The following KIAA0319 variants were observed in gnomAD, a reference collection of about 807,000 sequenced individuals.
KIAA0319 encodes KIAA0319.
A neutral mutation model predicts 108.4 loss-of-function variants in KIAA0319; 83 were observed. The ratio of observed to expected loss-of-function variants is 0.77; its 90% CI spans 0.64 to 0.92. The LOEUF is 0.92. Ranked by LOEUF, KIAA0319 falls within the 40% of genes least tolerant of loss-of-function variation. The pLI, the probability that KIAA0319 is intolerant of heterozygous loss-of-function variation, is 0.00. For missense variants in KIAA0319, 1,195 were observed against 1,322.4 expected (o/e 0.90, Z 1.49); for synonymous variants, 484 against 510.4 (o/e 0.95, Z 0.70).
intron 11 of KIAA0319, among the ~76,000 whole-genome samples, chr6:24,571,997 A>G (rs1401771711): frequency 1.3e-5 from 2 of 152,272 alleles, no homozygotes; most frequent in Non-Finnish European, 2.9e-5. Flanking sequence ...TCTAACTAAT[A>G]GAACTTTTTA....
chr6:24,581,506 G>C lies in KIAA0319; in HGVS notation c.1192-493C>G, dbSNP rs943393542. Among the ~76,000 whole-genome samples, 31 of 152,118 alleles carry C rather than the reference G, an allele frequency of 2.0e-4. 2 individuals are homozygous for C. Among genetic ancestry groups the C allele is most frequent in the Admixed American group, 2.0e-3 (30 of 15,280 alleles). ...CTAAGTCGGTTTATATATCCTCCTA[G>C]GCCAGAAAGAGGGCATGTTTCTTGT... On this transcript the variant is annotated intron_variant, in intron 6 of 20. Coordinates refer to ENST00000378214, the MANE Select transcript of KIAA0319 (RefSeq NM_014809.4).
intron 1 of KIAA0319, among the ~76,000 whole-genome samples, chr6:24,640,367 G>GA (rs1258694029): frequency 3.9e-5 from 6 of 152,072 alleles, no homozygotes; most frequent in African/African-American, 7.2e-5. Flanking sequence ...GCCATTTGTT[G>GA]AAAAAATGCA....
At position 24,556,574 on chromosome 6, in the gene KIAA0319, C is replaced by T. The variant is rs1429567392; in HGVS notation, c.2857+33G>A. 3 of 1,605,784 alleles carry T rather than the reference C, an allele frequency of 1.9e-6. No individual in the cohort carries two copies. The African/African-American group carries it at 4.0e-5, about 22-fold the overall frequency. Reference sequence around the variant, plus strand: ...CTGAGAATGAGCTGCCTTAAGGCTCCTCACCCAAAGCCTCCTCTATACCAG... The same window carrying T: ...CTGAGAATGAGCTGCCTTAAGGCTCTTCACCCAAAGCCTCCTCTATACCAG... On this transcript the variant is annotated intron_variant, in intron 18 of 20. Coordinates refer to ENST00000378214, the MANE Select transcript of KIAA0319 (RefSeq NM_014809.4).
downstream of KIAA0319, among the ~76,000 whole-genome samples, chr6:24,542,288 C>T (rs1371252641): frequency 1.3e-5 from 2 of 152,320 alleles, no homozygotes; most frequent in East Asian, 1.9e-4. Context: ...CCAGGAGCCA[C>T]GTAATTAGTT....
At position 24,578,176 on chromosome 6, in the gene KIAA0319, T is replaced by A. The variant is rs1367273827; in HGVS notation, c.1439A>T (p.Glu480Val). The A allele has an allele frequency of 6.2e-7, 1 of 1,612,412 alleles. No individual in the cohort carries two copies. Among genetic ancestry groups the A allele is most frequent in the Non-Finnish European group, 8.5e-7 (1 of 1,178,568 alleles). Reference sequence around the variant, plus strand: ...GACGGGAGAGTCAACTGAAGTCTTCTCTTCTATGAAGGGCCCGTTTATTTC... The same window carrying A: ...GACGGGAGAGTCAACTGAAGTCTTCACTTCTATGAAGGGCCCGTTTATTTC... Reference protein sequence around the residue: ...WEEINGPFIEEKTSVDSPVLR... With the variant: ...WEEINGPFIEVKTSVDSPVLR... The change falls in exon 9 of 21, where the codon GAG (glutamate) becomes GTG (valine). Residue 480 changes from glutamate to valine, a missense_variant. Glu to Val is a moderately radical substitution (Grantham distance 121). Transcript: ENST00000378214.
At chr6:24,644,715 A>C (rs1777396177) in intron 1 of KIAA0319, among the ~76,000 whole-genome samples, 1 of 152,162 alleles carries the variant, frequency 6.6e-6, no homozygotes, top group African/African-American at 2.4e-5. Context: ...ATTTTGGCTG[A>C]ATTATTTTCA....
Position 24,596,352 on chromosome 6 carries a change from G to C in KIAA0319, c.322C>G (p.Gln108Glu). 6.2e-7 allele frequency: 1 copy of C among 1,614,196 alleles called. No individual in the cohort carries two copies. Among genetic ancestry groups the C allele is most frequent in the Non-Finnish European group, 8.5e-7 (1 of 1,180,034 alleles). Residue 108 changes from glutamine (Q) to glutamate (E), a missense_variant, in exon 3 of 21, where the codon CAG (glutamine) becomes GAG (glutamate). Gln to Glu is a conservative substitution (Grantham distance 29, BLOSUM62 2). Coordinates refer to ENST00000378214, the MANE Select transcript of KIAA0319 (RefSeq NM_014809.4). ...SYLTFVLRPVQRPAQLLDYGD... is the reference protein window; with the variant it reads ...SYLTFVLRPVERPAQLLDYGD... ...TAGTCCAGCAGCTGTGCAGGCCTCT[G>C]AACAGGCCGGAGCACAAAAGTGAGA... is the stretch of plus-strand genomic sequence containing the variant.
At chr6:24,578,028 G>T in intron 9 of KIAA0319, 82 bp downstream of exon 9, 3 of 1,366,438 alleles carry the variant, frequency 2.2e-6, no homozygotes, top group Non-Finnish European at 3.0e-6. Flanking sequence ...AATAAGAAGT[G>T]CAGTGTTTTA....
rs888874158 is a variant in KIAA0319, at chr6:24,544,724, G to C, written c.*2441C>G. ...CATATTCTAGGGCCTGTTTTTCTCT[G>C]TCCAGAGCTCTTAGCGTGCTTTATC... On this transcript the variant is annotated 3_prime_UTR_variant, in exon 21 of 21. Transcript: ENST00000378214. 3 of 152,164 alleles carry C rather than the reference G, an allele frequency of 2.0e-5. No individual in the cohort carries two copies. The highest frequency in any genetic ancestry group is 2.0e-4 in the Admixed American group (3 of 15,282). 9.4% of individuals were successfully genotyped at this position (152,164 alleles called of 1,614,324 possible).
chr6:24,558,365 C>CTAGATAGATAGATAGA (rs59328032), intron 17 of KIAA0319, among the ~76,000 whole-genome samples: 47 of 150,896 alleles, frequency 3.1e-4, no homozygotes, highest in East Asian at 5.9e-4. Flanking sequence ...ATATATATAT[C>CTAGATAGATAGATAGA]TAGATAGATA....
At chr6:24,587,868 G>A (rs527930091) in intron 4 of KIAA0319, among the ~76,000 whole-genome samples, 7 of 152,334 alleles carry the variant, frequency 4.6e-5, no homozygotes, top group South Asian at 2.1e-4. Flanking sequence ...AATTACAGGC[G>A]TGAGCCACCG....
rs1055510674 is a variant in KIAA0319, at chr6:24,576,215, T to C, written c.1734+153A>G. Among the ~76,000 whole-genome samples, 5 of 152,230 alleles carry C rather than the reference T, an allele frequency of 3.3e-5. No homozygotes were observed. The East Asian group carries it at 9.6e-4, about 29-fold the overall frequency. ...AAGGGATGTAAACTTGGAAGATTTG[T>C]GAGCTTAGGTCCTTTTCTAATAGTT... On this transcript the variant is annotated intron_variant, in intron 10 of 20. Coordinates refer to ENST00000378214, the MANE Select transcript of KIAA0319 (RefSeq NM_014809.4).
intron 4 of KIAA0319, among the ~76,000 whole-genome samples, chr6:24,587,669 C>T (rs1363568983): frequency 1.3e-5 from 2 of 152,060 alleles, no homozygotes; most frequent in African/African-American, 2.4e-5. Context: ...TAACTGCAAC[C>T]TCTGCCTCCT....
Position 24,595,997 on chromosome 6 carries a change from G to A in KIAA0319, c.677C>T (p.Ala226Val), listed in dbSNP as rs764765198. Residue 226 changes from alanine (A) to valine (V), a missense_variant, in exon 3 of 21, where the codon GCC becomes GTC. Transcript: ENST00000378214. ...CACACTTCTCTCAGGGAGTTTTGGGGCAGGGGTTGAAGCCGACTCATTCAG... is the reference window on the plus strand; with the variant it reads ...CACACTTCTCTCAGGGAGTTTTGGGACAGGGGTTGAAGCCGACTCATTCAG... The part of the protein sequence containing the change: ...HYLNESASTP[A>V]PKLPERSVLL... 3 of 1,614,200 alleles carry A rather than the reference G, an allele frequency of 1.9e-6. No individual in the cohort carries two copies. The highest frequency in any genetic ancestry group is 1.6e-4 in the Middle Eastern group (1 of 6,062).
intron 1 of KIAA0319, among the ~76,000 whole-genome samples, chr6:24,641,470 A>G (rs1003198698): frequency 2.0e-5 from 3 of 152,358 alleles, no homozygotes; most frequent in Admixed American, 6.5e-5. Flanking sequence ...GAAGTCTAGT[A>G]AAATGAAGTC....
In KIAA0319 at chr6:24,624,021, T is replaced by TC. The variant is rs1562090855; in HGVS notation, c.-106+21714_-106+21715insG. 3.6e-3 allele frequency among the ~76,000 whole-genome samples: 447 copies of TC among 124,792 alleles called. 18 individuals are homozygous for TC. In the East Asian group the frequency reaches 0.05, roughly 14 times the overall value. The allele number at this position is 124,792 out of a possible 152,430, so 81.9% of individuals were successfully genotyped here. On this transcript the variant is annotated intron_variant, in intron 1 of 20. Transcript: ENST00000378214. Reference sequence around the variant, plus strand: ...AATTTTGAATTTCTTTGTTTTCTTTTTTTTTTTTTTTTTTTTTTTTTTAGA... The same window carrying TC: ...AATTTTGAATTTCTTTGTTTTCTTTTCTTTTTTTTTTTTTTTTTTTTTTAGA...
intron 19 of KIAA0319, among the ~76,000 whole-genome samples, chr6:24,553,227 C>A (rs925860111): frequency 6.7e-6 from 1 of 148,646 alleles, no homozygotes; most frequent in Non-Finnish European, 1.5e-5. Context: ...TTCCAGAACT[C>A]CTTCCTCTAT....
intron 10 of KIAA0319, among the ~76,000 whole-genome samples, chr6:24,574,063 C>T (rs1014766682): frequency 3.3e-5 from 5 of 152,054 alleles, no homozygotes; most frequent in Admixed American, 2.6e-4. Flanking sequence ...TGCAGTGAGC[C>T]AAGATGGTGC....
At position 24,572,518 on chromosome 6, in the gene KIAA0319, C is replaced by G; in HGVS notation, c.1858+57G>C. On this transcript the variant is annotated intron_variant, in intron 11 of 20. Coordinates refer to ENST00000378214, the MANE Select transcript of KIAA0319 (RefSeq NM_014809.4). ...GTGTGGCATCTCCAAACCCCAGAAG[C>G]CCAGCTATCATTTCTGCTTTAATCT... 3.2e-6 allele frequency: 5 copies of G among 1,584,078 alleles called. No homozygotes were observed. In the South Asian group the frequency reaches 5.8e-5, roughly 18 times the overall value.
Sources: gnomAD v4.1 joint callset for allele counts (sites outside exome capture counted in the v4.1 genomes callset) on GRCh38, gnomAD v4.1.1 for gene constraint, MANE v1.5 for transcripts, NCBI Gene and HGNC (gene_info 2026-07-23, HGNC 2026-07-21) for gene names.